The following IMMP2L variants were observed in gnomAD, a reference collection of about 807,000 sequenced individuals.
IMMP2L encodes inner mitochondrial membrane peptidase subunit 2, also known as mitochondrial inner membrane protease subunit 2.
In IMMP2L, 18 loss-of-function variants were observed where a neutral mutation model predicts 19.3. The observed-to-expected ratio is 0.93, with a 90% CI of 0.64 to 1.38. IMMP2L has a LOEUF of 1.38. IMMP2L is among the 40% of genes most tolerant of loss of function. The pLI is 0.00. For missense variants in IMMP2L, 233 were observed against 218.2 expected, an observed-to-expected ratio of 1.07 and a Z score of -0.43; for synonymous variants, 76 against 73.0, an observed-to-expected ratio of 1.04 and a Z score of -0.21.
In IMMP2L at chr7:111,227,135, T is replaced by C. The variant is rs546261199; in HGVS notation, c.239+260103A>G. 5.9e-5 allele frequency among the ~76,000 whole-genome samples: 9 copies of C among 152,132 alleles called. No individual in the cohort carries two copies. The East Asian group carries it at 9.7e-4, about 16-fold the overall frequency. ...AAGGGGCTTTCAATGGTTCCAGATA[T>C]CATTCTCTGGCATTGGTAGCACAGA... is the stretch of plus-strand genomic sequence containing the variant. On this transcript the variant is annotated intron_variant, in intron 3 of 5. Transcript: ENST00000405709.
At chr7:110,889,922 C>G (rs547422555) in intron 4 of IMMP2L, among the ~76,000 whole-genome samples, 3 of 152,266 alleles carry the variant, frequency 2.0e-5, no homozygotes, top group African/African-American at 4.8e-5. Context: ...GTAGTTGAGA[C>G]TGTTTTTAAT....
chr7:111,526,571 C>A (rs1281825075), intron 1 of IMMP2L, among the ~76,000 whole-genome samples: 1 of 152,136 alleles, frequency 6.6e-6, no homozygotes, highest in Admixed American at 6.6e-5. Context: ...TCACAATGAA[C>A]AAACCACACT....
intron 3 of IMMP2L, among the ~76,000 whole-genome samples, chr7:111,347,201 C>A (rs148963334): frequency 6.6e-6 from 1 of 151,886 alleles, no homozygotes; most frequent in African/African-American, 2.4e-5. Context: ...ATGTGACAGG[C>A]ATACAGATAG....
At position 111,548,171 on chromosome 7, in the gene IMMP2L, G is replaced by GT. The variant is rs770276352; in HGVS notation, c.-3+13679dup. Among the ~76,000 whole-genome samples, 77 of 152,048 alleles carry GT rather than the reference G, an allele frequency of 5.1e-4. 1 individual carries two copies. Among genetic ancestry groups the GT allele is most frequent in the Admixed American group, 1.0e-3 (16 of 15,254 alleles). ...TCAGGGAGAGAATATTATCTATCTT[G>GT]TCACCCAATTCAATCCTCTAAAATG... is the stretch of plus-strand genomic sequence containing the variant. On this transcript the variant is annotated intron_variant, in intron 1 of 5. Coordinates refer to ENST00000405709, the MANE Select transcript of IMMP2L (RefSeq NM_032549.4).
At chr7:111,033,989 G>A (rs1791087880) in intron 3 of IMMP2L, among the ~76,000 whole-genome samples, 1 of 152,192 alleles carries the variant, frequency 6.6e-6, no homozygotes, top group Non-Finnish European at 1.5e-5. Flanking sequence ...TTGCCAGGTG[G>A]TAGGTGTGAT....
chr7:111,095,520 A>G (rs1797310114), intron 3 of IMMP2L, among the ~76,000 whole-genome samples: 1 of 152,064 alleles, frequency 6.6e-6, no homozygotes, highest in African/African-American at 2.4e-5. Context: ...AATAGAAGCA[A>G]CGATTTATTA....
At chr7:111,139,074 C>T (rs536993222) in intron 3 of IMMP2L, among the ~76,000 whole-genome samples, 1 of 151,520 alleles carries the variant, frequency 6.6e-6, no homozygotes, top group South Asian at 2.1e-4. Context: ...GAATAATGAA[C>T]AAATAAATGA....
chr7:110,887,547 A>T (rs935408033), intron 4 of IMMP2L, among the ~76,000 whole-genome samples: 2 of 151,796 alleles, frequency 1.3e-5, no homozygotes, highest in African/African-American at 4.8e-5. Context: ...AAATATAGAC[A>T]AATTTATTCA....
intron 3 of IMMP2L, among the ~76,000 whole-genome samples, chr7:111,193,916 T>G (rs768490915): frequency 3.3e-5 from 5 of 152,170 alleles, no homozygotes; most frequent in Non-Finnish European, 5.9e-5. Flanking sequence ...ACCTTACATC[T>G]CAAGACTATA....
intron 3 of IMMP2L, among the ~76,000 whole-genome samples, chr7:111,012,378 A>G (rs535618428): frequency 3.3e-5 from 5 of 152,290 alleles, no homozygotes; most frequent in Admixed American, 1.3e-4. Context: ...AGTATTTCAT[A>G]ATAATGCAGC....
At chr7:111,466,795 C>T (rs1168897396) in intron 3 of IMMP2L, among the ~76,000 whole-genome samples, 4 of 152,074 alleles carry the variant, frequency 2.6e-5, no homozygotes, top group Non-Finnish European at 4.4e-5. Context: ...TTTTTTCCCT[C>T]TTATTATTCC....
At chr7:110,894,347 T>C (rs1374723153) in intron 4 of IMMP2L, among the ~76,000 whole-genome samples, 1 of 152,186 alleles carries the variant, frequency 6.6e-6, no homozygotes, top group Non-Finnish European at 1.5e-5. Context: ...TCCAAAGCAG[T>C]GGGACTACCA....
chr7:111,303,745 A>T (rs1822521325), intron 3 of IMMP2L, among the ~76,000 whole-genome samples: 1 of 152,088 alleles, frequency 6.6e-6, no homozygotes, highest in African/African-American at 2.4e-5. Context: ...ACAATTTTTA[A>T]AAAGGAAACA....
chr7:111,418,544 G>A (rs1412562036), intron 3 of IMMP2L, among the ~76,000 whole-genome samples: 22 of 151,700 alleles, frequency 1.5e-4, no homozygotes, highest in Non-Finnish European at 7.4e-5. Flanking sequence ...CACCTCACTA[G>A]CACTAATACA....
intron 4 of IMMP2L, among the ~76,000 whole-genome samples, chr7:110,927,051 T>G (rs978027473): frequency 6.6e-6 from 1 of 152,144 alleles, no homozygotes; most frequent in Non-Finnish European, 1.5e-5. Context: ...CTGCAGAATG[T>G]TTGGAGGTTG....
chr7:110,984,013 TA>T (rs1414980422), intron 3 of IMMP2L, among the ~76,000 whole-genome samples: 1 of 151,976 alleles, frequency 6.6e-6, no homozygotes, highest in Non-Finnish European at 1.5e-5. Context: ...AAAAGCCTGA[TA>T]AAAACCAGAC....
Position 111,487,296 on chromosome 7 carries a change from A to G in IMMP2L, c.181T>C (p.Leu61=), listed in dbSNP as rs546387107. The G allele has an allele frequency of 6.2e-7, 1 of 1,611,248 alleles. No individual in the cohort carries two copies. The highest frequency in any genetic ancestry group is 1.3e-5 in the African/African-American group (1 of 74,984). The change falls in exon 3 of 6, where the codon TTG becomes CTG. Residue 61 remains leucine (L), a synonymous_variant. Transcript: ENST00000405709. ...GGSQSSDVVL[L]NHWKVRNFEV... is the part of the protein sequence containing the mutation. ...AAATTCCTCACTTTCCAGTGGTTCA[A>G]AAGCACCACATCAGATGACTGGCTC... is the stretch of plus-strand genomic sequence containing the variant.
At chr7:111,222,180 G>A (rs955701842) in intron 3 of IMMP2L, among the ~76,000 whole-genome samples, 5 of 151,646 alleles carry the variant, frequency 3.3e-5, no homozygotes, top group Non-Finnish European at 5.9e-5. Context: ...GTATAATGCC[G>A]CCTCTAATTC....
intron 5 of IMMP2L, among the ~76,000 whole-genome samples, chr7:110,736,559 G>A (rs1394800485): frequency 1.3e-5 from 2 of 152,130 alleles, no homozygotes. Context: ...TCTGAGCTTT[G>A]CGGACCCAAC....
Sources: allele counts gnomAD v4.1 joint callset (sites outside exome capture counted in the v4.1 genomes callset), GRCh38; gene constraint gnomAD v4.1.1; transcripts MANE v1.5; gene names NCBI Gene and HGNC (gene_info 2026-07-23, HGNC 2026-07-21).